IGSF10: variants seen among roughly 807,000 people sequenced by gnomAD.
The protein encoded by IGSF10 is immunoglobulin superfamily member 10, also known as calvaria mechanical force protein 608.
A neutral mutation model predicts 128.2 loss-of-function variants in IGSF10; 126 were observed. The observed-to-expected ratio is 0.98, with a 90% confidence interval of 0.85 to 1.14. The LOEUF is 1.14. Ranked by LOEUF, IGSF10 falls within the 50% of genes most tolerant of loss-of-function variation. IGSF10 has a pLI of 0.00. For synonymous variants in IGSF10, 1,185 were observed against 1,146.2 expected (o/e 1.03, Z -0.68); for missense variants, 3,295 against 3,149.8 (o/e 1.05, Z -1.10).
At chr3:151,523,121 G>C in the IGSF10 span, among the ~76,000 whole-genome samples, 1 of 151,932 alleles carries the variant, frequency 6.6e-6, no homozygotes, top group Non-Finnish European at 1.5e-5. Flanking sequence ...GAGCTGAAAG[G>C]TTTCTACAAT....
the IGSF10 span, among the ~76,000 whole-genome samples, chr3:151,569,711 C>A: frequency 6.6e-6 from 1 of 152,054 alleles, no homozygotes; most frequent in South Asian, 2.1e-4. Context: ...TTCAATTGAT[C>A]ATGGCATTAT....
upstream of IGSF10, among the ~76,000 whole-genome samples, chr3:151,465,579 T>C (rs938403644): frequency 1.3e-5 from 2 of 152,230 alleles, no homozygotes; most frequent in Non-Finnish European, 2.9e-5. Flanking sequence ...TATTATTACT[T>C]TACTATATAA....
At chr3:151,543,605 A>G in the IGSF10 span, among the ~76,000 whole-genome samples, 1 of 152,194 alleles carries the variant, frequency 6.6e-6, no homozygotes, top group South Asian at 2.1e-4. Context: ...TGCCTGAACA[A>G]AAGCCATGAC....
chr3:151,524,536 G>C, the IGSF10 span, among the ~76,000 whole-genome samples: 2 of 152,042 alleles, frequency 1.3e-5, no homozygotes, highest in Non-Finnish European at 2.9e-5. Flanking sequence ...AACAGAAAAC[G>C]AAATACCACA....
At chr3:151,478,960 G>T in the IGSF10 span, among the ~76,000 whole-genome samples, 1 of 152,164 alleles carries the variant, frequency 6.6e-6, no homozygotes, top group Non-Finnish European at 1.5e-5. Context: ...TTCAGAAGAA[G>T]CATTTTAAAT....
rs114975613 is a variant in IGSF10, at chr3:151,436,993, A to G, written c.7568T>C (p.Ile2523Thr). 1,332 of 1,614,230 alleles carry G rather than the reference A, an allele frequency of 8.3e-4. 8 individuals carry two copies. The African/African-American group carries it at 0.015, about 18-fold the overall frequency. Residue 2523 changes from isoleucine (I) to threonine (T), a missense_variant, in exon 8 of 8, where the codon ATT (isoleucine) becomes ACT (threonine). Physicochemically the swap from Ile to Thr is moderately conservative, Grantham distance 89 (BLOSUM62 -1). Coordinates refer to ENST00000282466, the MANE Select transcript of IGSF10 (RefSeq NM_178822.5). ...TGTAATTCGGGGAGGGTAGGCTACA[A>G]TCATTACTGGAACAGTAATCAGTGT... The part of the protein sequence containing the change: ...GHTLITVPVM[I>T]VAYPPRITNR...
At chr3:151,577,986 T>C in the IGSF10 span, among the ~76,000 whole-genome samples, 1 of 152,200 alleles carries the variant, frequency 6.6e-6, no homozygotes, top group African/African-American at 2.4e-5. Context: ...AGTCCATCTA[T>C]GTTGTCCCTA....
the IGSF10 span, among the ~76,000 whole-genome samples, chr3:151,521,877 CTG>C: frequency 1.3e-5 from 2 of 151,660 alleles, no homozygotes; most frequent in African/African-American, 2.4e-5. Context: ...CTGAAGGAAA[CTG>C]AGATACAAAA....
At chr3:151,567,967 G>A in the IGSF10 span, among the ~76,000 whole-genome samples, 204 of 152,214 alleles carry the variant, frequency 1.3e-3, no homozygotes, top group African/African-American at 4.7e-3. Flanking sequence ...TCAGGCTCAC[G>A]TCTTACTATA....
At chr3:151,455,360 C>CG (rs936372307) in intron 4 of IGSF10, among the ~76,000 whole-genome samples, 27 of 151,768 alleles carry the variant, frequency 1.8e-4, no homozygotes, top group Middle Eastern at 3.4e-3. Context: ...GATCTGCCCC[C>CG]CCTTGGCCTC....
At chr3:151,544,781 C>T in the IGSF10 span, among the ~76,000 whole-genome samples, 2 of 151,468 alleles carry the variant, frequency 1.3e-5, no homozygotes, top group African/African-American at 4.9e-5. Context: ...TGCGATAGGC[C>T]CTTCAATCTG....
the IGSF10 span, among the ~76,000 whole-genome samples, chr3:151,527,551 G>T: frequency 6.6e-5 from 10 of 152,136 alleles, no homozygotes; most frequent in African/African-American, 1.9e-4. Context: ...ACTGAAAAAG[G>T]AACAAATGGA....
In IGSF10 at chr3:151,447,660, T is replaced by G. The variant is rs1017845941; in HGVS notation, c.2321A>C (p.Asn774Thr). Residue 774 changes from asparagine to threonine, a missense_variant, in exon 6 of 8, where the codon AAT becomes ACT. Coordinates refer to ENST00000282466, the MANE Select transcript of IGSF10 (RefSeq NM_178822.5). ...CACTGGGGGTGGGCTCACTGTGGTA[T>G]TTTCTCGCTTGTCTGGCATAGCATT... Reference protein sequence around the residue: ...KKNAMPDKRENTTVSPPPVVT... With the variant: ...KKNAMPDKRETTTVSPPPVVT... 59 of 1,614,054 alleles carry G rather than the reference T, an allele frequency of 3.7e-5. No individual in the cohort carries two copies. Among genetic ancestry groups the G allele is most frequent in the Non-Finnish European group, 5.0e-5 (59 of 1,180,044 alleles).
At chr3:151,547,110 C>T in the IGSF10 span, among the ~76,000 whole-genome samples, 1 of 152,062 alleles carries the variant, frequency 6.6e-6, no homozygotes, top group African/African-American at 2.4e-5. Flanking sequence ...GTTTATATTG[C>T]TTCTTCAGGA....
chr3:151,586,132 T>G, the IGSF10 span, among the ~76,000 whole-genome samples: 3 of 151,924 alleles, frequency 2.0e-5, no homozygotes, highest in Admixed American at 1.3e-4. Flanking sequence ...GGCTAATGTT[T>G]GTATTTTTGT....
the IGSF10 span, among the ~76,000 whole-genome samples, chr3:151,482,983 T>A: frequency 0.027 from 4,057 of 152,064 alleles, 194 homozygotes; most frequent in African/African-American, 0.093. Context: ...AGGAGAATAG[T>A]CTTTTCAGAT....
chr3:151,527,486 T>A, the IGSF10 span, among the ~76,000 whole-genome samples: 1 of 152,222 alleles, frequency 6.6e-6, no homozygotes, highest in East Asian at 1.9e-4. Flanking sequence ...ACTTTTTGAC[T>A]TACATAACTT....
the IGSF10 span, among the ~76,000 whole-genome samples, chr3:151,536,606 C>T: frequency 3.9e-5 from 6 of 152,248 alleles, no homozygotes; most frequent in African/African-American, 1.2e-4. Context: ...CCTGATTCTA[C>T]TGTAAAGCTT....
the IGSF10 span, among the ~76,000 whole-genome samples, chr3:151,521,531 A>C: frequency 6.6e-6 from 1 of 152,074 alleles, no homozygotes; most frequent in Non-Finnish European, 1.5e-5. Context: ...CAGTGCAATA[A>C]AAATAGAAGT....
Sources: allele counts gnomAD v4.1 joint callset (sites outside exome capture counted in the v4.1 genomes callset), GRCh38; gene constraint gnomAD v4.1.1; transcripts MANE v1.5; gene names NCBI Gene and HGNC (gene_info 2026-07-23, HGNC 2026-07-21).